The following HMCN1 variants were observed in gnomAD, a reference collection of about 807,000 sequenced individuals.
HMCN1 encodes hemicentin-1.
HMCN1 carries 321 observed loss-of-function variants against 625.9 expected under a neutral mutation model. That is an observed-to-expected ratio of 0.51 (90% confidence interval 0.47 to 0.56). The LOEUF (loss-of-function observed/expected upper bound fraction) is 0.56. HMCN1 is among the 20% of genes least tolerant of loss of function. The probability of loss-of-function intolerance (pLI) is 0.00; values close to 1 mark genes in which losing one functional copy is unlikely to be tolerated. For missense variants in HMCN1, 6,588 were observed against 6,887.3 expected (o/e 0.96, Z 1.54); for synonymous variants, 2,425 against 2,417.6 (o/e 1.00, Z -0.09).
At chr1:185,903,493 C>T (rs1405236669) in intron 4 of HMCN1, among the ~76,000 whole-genome samples, 1 of 151,594 alleles carries the variant, frequency 6.6e-6, no homozygotes, top group Non-Finnish European at 1.5e-5. Context: ...TCTTATTTTG[C>T]CTACCTTTAG....
intron 93 of HMCN1, among the ~76,000 whole-genome samples, chr1:186,148,935 CTTT>C (rs57126500): frequency 1.1e-4 from 16 of 143,348 alleles, no homozygotes; most frequent in African/African-American, 2.5e-4. Context: ...TGAAAGGAAT[CTTT>C]TTTTTTTTTT....
intron 6 of HMCN1, among the ~76,000 whole-genome samples, chr1:185,914,085 A>T (rs1261932733): frequency 1.3e-5 from 2 of 152,166 alleles, no homozygotes; most frequent in Non-Finnish European, 1.5e-5. Flanking sequence ...TTTCTAGTGT[A>T]GGATTAGTGC....
chr1:185,947,803 T>G (rs778039650), intron 11 of HMCN1, among the ~76,000 whole-genome samples: 6 of 152,264 alleles, frequency 3.9e-5, no homozygotes, highest in Non-Finnish European at 5.9e-5. Flanking sequence ...CATTGCCATT[T>G]ACGCTAGTTG....
chr1:186,003,346 T>C (rs1008772961), intron 28 of HMCN1, among the ~76,000 whole-genome samples: 9 of 152,138 alleles, frequency 5.9e-5, no homozygotes, highest in African/African-American at 2.2e-4. Flanking sequence ...AATTTGAATG[T>C]TATAAGAGTG....
chr1:185,822,568 AT>A (rs1472355350), intron 1 of HMCN1, among the ~76,000 whole-genome samples: 2 of 152,156 alleles, frequency 1.3e-5, no homozygotes, highest in African/African-American at 4.8e-5. Flanking sequence ...AAAGTACTTG[AT>A]TAAGTCTACT....
Position 186,130,537 on chromosome 1 carries a change from C to A in HMCN1, c.13070C>A (p.Ser4357Tyr), listed in dbSNP as rs892625715. ...CCAGTCTTCAAAGGTGATTATCCTT[C>A]TAACTGGATTGAACCACTTGGTGGG... The part of the protein sequence containing the change: ...EPPVFKGDYP[S>Y]NWIEPLGGNA... The change falls in exon 85 of 107, where the codon TCT (serine) becomes TAT (tyrosine). Residue 4357 changes from serine to tyrosine, a missense_variant. Physicochemically the swap from Ser to Tyr is moderately radical, Grantham distance 144. Coordinates refer to ENST00000271588, the MANE Select transcript of HMCN1 (RefSeq NM_031935.3). 5.6e-6 allele frequency: 9 copies of A among 1,613,390 alleles called. No homozygotes were observed. The highest frequency in any genetic ancestry group is 5.9e-6 in the Non-Finnish European group (7 of 1,179,594).
At chr1:185,773,729 A>G (rs1319126236) in intron 1 of HMCN1, among the ~76,000 whole-genome samples, 3 of 152,116 alleles carry the variant, frequency 2.0e-5, no homozygotes, top group African/African-American at 7.2e-5. Flanking sequence ...GCCATGTTGA[A>G]TTGCTTGTGA....
chr1:185,980,281 A>G (rs759740245), intron 16 of HMCN1, among the ~76,000 whole-genome samples: 20 of 152,216 alleles, frequency 1.3e-4, no homozygotes, highest in Non-Finnish European at 7.3e-5. Flanking sequence ...AGACTCATGC[A>G]GGAGTATAGG....
In HMCN1 at chr1:185,981,003, C is replaced by T; in HGVS notation, c.2592C>T (p.Thr864=). ...ILNLWASDKG[T]YICEAENQFG... is the part of the protein sequence containing the mutation. ...ACTTATGGGCAAGTGATAAAGGAACCTATATTTGTGAAGCTGAAAACCAGT... is the reference window on the plus strand; with the variant it reads ...ACTTATGGGCAAGTGATAAAGGAACTTATATTTGTGAAGCTGAAAACCAGT... The change falls in exon 17 of 107, where the codon ACC becomes ACT. Residue 864 remains threonine, a synonymous_variant. Transcript: ENST00000271588. The T allele has an allele frequency of 6.2e-7, 1 of 1,610,026 alleles. No homozygotes were observed. Among genetic ancestry groups the T allele is most frequent in the Non-Finnish European group, 8.5e-7 (1 of 1,176,406 alleles).
chr1:185,916,652 T>C (rs2102464820), intron 6 of HMCN1, among the ~76,000 whole-genome samples: 1 of 152,322 alleles, frequency 6.6e-6, no homozygotes, highest in South Asian at 2.1e-4. Flanking sequence ...TTATAAAACA[T>C]TGAAACTCTG....
chr1:185,786,902 T>C (rs1017819900), intron 1 of HMCN1, among the ~76,000 whole-genome samples: 1 of 152,182 alleles, frequency 6.6e-6, no homozygotes, highest in Non-Finnish European at 1.5e-5. Context: ...ACTTTTCACC[T>C]CCCATGCTTG....
At chr1:185,931,149 G>A (rs77549087) in intron 10 of HMCN1, among the ~76,000 whole-genome samples, 2,852 of 152,194 alleles carry the variant, frequency 0.019, 86 homozygotes, top group African/African-American at 0.065. Flanking sequence ...GATCAAATGG[G>A]TAGATAGGTA....
chr1:185,982,040 T>C (rs1270860845), intron 17 of HMCN1, among the ~76,000 whole-genome samples: 1 of 152,198 alleles, frequency 6.6e-6, no homozygotes, highest in Non-Finnish European at 1.5e-5. Flanking sequence ...TTTACCTTCT[T>C]TACTACTGCA....
intron 1 of HMCN1, among the ~76,000 whole-genome samples, chr1:185,789,076 A>T (rs1657818101): frequency 6.6e-6 from 1 of 152,350 alleles, no homozygotes; most frequent in South Asian, 2.1e-4. Context: ...TAAAATTAAA[A>T]TTCACATGTA....
At chr1:185,895,656 G>A (rs1665441474) in intron 4 of HMCN1, among the ~76,000 whole-genome samples, 1 of 152,146 alleles carries the variant, frequency 6.6e-6, no homozygotes, top group Non-Finnish European at 1.5e-5. Context: ...AGGGATCAGT[G>A]CAGGTTTATG....
At chr1:185,914,613 C>A (rs10465478) in intron 6 of HMCN1, among the ~76,000 whole-genome samples, 2,150 of 152,014 alleles carry the variant, frequency 0.014, 64 homozygotes, top group African/African-American at 0.049. Flanking sequence ...CCCATGCTTT[C>A]TTTCAAGCTG....
At chr1:186,040,769 A>G (rs1301903433) in intron 39 of HMCN1, among the ~76,000 whole-genome samples, 3 of 152,102 alleles carry the variant, frequency 2.0e-5, no homozygotes, top group African/African-American at 4.8e-5. Flanking sequence ...CTTTCATTTG[A>G]TGCTGTATGT....
intron 4 of HMCN1, among the ~76,000 whole-genome samples, chr1:185,894,309 T>A (rs1364392952): frequency 6.6e-6 from 1 of 152,232 alleles, no homozygotes; most frequent in Non-Finnish European, 1.5e-5. Context: ...AGCCACATCA[T>A]TGCATATAGT....
At chr1:185,978,088 A>G in intron 16 of HMCN1, 107 bp downstream of exon 16, 1 of 796,816 alleles carries the variant, frequency 1.3e-6, no homozygotes. Context: ...TCTTGCCAAC[A>G]CATTTTATGT....
Sources: allele counts gnomAD v4.1 joint callset (sites outside exome capture counted in the v4.1 genomes callset), GRCh38; gene constraint gnomAD v4.1.1; transcripts MANE v1.5; gene names NCBI Gene and HGNC (gene_info 2026-07-23, HGNC 2026-07-21).